The following FSTL4 variants were observed in gnomAD, a reference collection of about 807,000 sequenced individuals.
The protein encoded by FSTL4 is follistatin-related protein 4.
Under a neutral mutation model 78.2 loss-of-function variants are expected in FSTL4, and 28 were observed. That is an observed-to-expected ratio of 0.36 (90% CI 0.27 to 0.49). FSTL4 has a LOEUF of 0.49. Ranked by LOEUF, FSTL4 falls within the 20% of genes least tolerant of loss-of-function variation. The pLI, the probability that FSTL4 is intolerant of heterozygous loss-of-function variation, is 0.98. For missense variants in FSTL4, 922 were observed against 1,084.9 expected (o/e 0.85, Z 2.11); for synonymous variants, 422 against 440.5 (o/e 0.96, Z 0.53).
intron 7 of FSTL4, among the ~76,000 whole-genome samples, chr5:133,240,119 C>G (rs1031662088): frequency 6.6e-6 from 1 of 152,210 alleles, no homozygotes; most frequent in Non-Finnish European, 1.5e-5. Context: ...AGGTCTGCAG[C>G]TGCACTTCTG....
intron 3 of FSTL4, among the ~76,000 whole-genome samples, chr5:133,431,869 G>T (rs1215359761): frequency 6.6e-6 from 1 of 151,962 alleles, no homozygotes; most frequent in Non-Finnish European, 1.5e-5. Flanking sequence ...GAATCCTTGG[G>T]GTTTTTTTCA....
At chr5:133,423,581 G>A (rs1262006930) in intron 3 of FSTL4, among the ~76,000 whole-genome samples, 2 of 152,194 alleles carry the variant, frequency 1.3e-5, no homozygotes, top group Non-Finnish European at 2.9e-5. Flanking sequence ...GGTGGCTGTG[G>A]TCATCGAGGG....
At chr5:133,247,160 T>C (rs926392251) in intron 7 of FSTL4, 1 of 150,972 alleles carries the variant, frequency 6.6e-6, no homozygotes, top group Non-Finnish European at 1.5e-5. Flanking sequence ...GTGTAGGGGG[T>C]TCTGAGAAGC....
the FSTL4 span, among the ~76,000 whole-genome samples, chr5:133,741,043 A>G: frequency 6.6e-6 from 1 of 152,158 alleles, no homozygotes; most frequent in East Asian, 1.9e-4. Context: ...TGAAACACCA[A>G]AGGAGAGGAA....
At chr5:133,758,487 C>A in the FSTL4 span, among the ~76,000 whole-genome samples, 3 of 152,054 alleles carry the variant, frequency 2.0e-5, no homozygotes, top group East Asian at 1.9e-4. Flanking sequence ...CAAGAAGAAC[C>A]AACACTCTTC....
chr5:133,756,611 C>A, the FSTL4 span, among the ~76,000 whole-genome samples: 2 of 152,130 alleles, frequency 1.3e-5, no homozygotes, highest in Non-Finnish European at 2.9e-5. Flanking sequence ...CCACCTTGGT[C>A]TTCACTTCTT....
At chr5:133,404,374 A>G (rs755911289) in intron 3 of FSTL4, among the ~76,000 whole-genome samples, 69 of 152,242 alleles carry the variant, frequency 4.5e-4, no homozygotes, top group African/African-American at 1.5e-3. Context: ...GCAACTGCCT[A>G]TAGTATTTAT....
chr5:133,798,079 G>A, the FSTL4 span, among the ~76,000 whole-genome samples: 1 of 152,210 alleles, frequency 6.6e-6, no homozygotes, highest in East Asian at 1.9e-4. Context: ...CAAAGCAAGT[G>A]CAACTTGGCT....
intron 3 of FSTL4, among the ~76,000 whole-genome samples, chr5:133,476,822 C>G (rs541895205): frequency 1.7e-4 from 26 of 152,314 alleles, no homozygotes; most frequent in Non-Finnish European, 2.6e-4. Flanking sequence ...CAGTGAGACA[C>G]TCATTGAGCC....
chr5:133,270,021 A>G (rs142341997), intron 6 of FSTL4: 197 of 152,314 alleles, frequency 1.3e-3, no homozygotes, highest in African/African-American at 3.9e-3. Flanking sequence ...CCCTAACTCA[A>G]TAAAGTACGT....
chr5:133,504,642 T>C (rs1368050192), intron 3 of FSTL4, among the ~76,000 whole-genome samples: 1 of 152,154 alleles, frequency 6.6e-6, no homozygotes, highest in Non-Finnish European at 1.5e-5. Flanking sequence ...GTCCCATGTA[T>C]CCCCTCACTC....
chr5:133,320,259 T>C lies in FSTL4; in HGVS notation c.410-3607A>G, dbSNP rs373855396. ...CTGGCCTTGGCTTCCAGGATAGATATTTTCCTAGCAAGGTGTGTCAAAGTC... is the reference window on the plus strand; with the variant it reads ...CTGGCCTTGGCTTCCAGGATAGATACTTTCCTAGCAAGGTGTGTCAAAGTC... On this transcript the variant is annotated intron_variant, in intron 4 of 15. Transcript: ENST00000265342. Among the ~76,000 whole-genome samples, 8 of 152,316 alleles carry C rather than the reference T, an allele frequency of 5.3e-5. No individual in the cohort carries two copies. In the East Asian group the frequency reaches 1.5e-3, roughly 29 times the overall value.
At chr5:133,231,812 T>A (rs897146625) in intron 8 of FSTL4, among the ~76,000 whole-genome samples, 8 of 152,228 alleles carry the variant, frequency 5.3e-5, no homozygotes, top group African/African-American at 1.9e-4. Context: ...AGTGCTGTGA[T>A]TATAGGCGTG....
intron 7 of FSTL4, among the ~76,000 whole-genome samples, chr5:133,241,176 C>T (rs183676886): frequency 7.9e-5 from 12 of 152,354 alleles, no homozygotes; most frequent in Admixed American, 7.8e-4. Context: ...CTTTGGGCTT[C>T]ATCACTTGGC....
intron 14 of FSTL4, among the ~76,000 whole-genome samples, chr5:133,205,219 T>G (rs780844709): frequency 3.3e-5 from 5 of 152,246 alleles, no homozygotes; most frequent in Non-Finnish European, 7.3e-5. Context: ...TAATTAAATG[T>G]CTTTTCAGTA....
chr5:133,780,317 T>A, the FSTL4 span, among the ~76,000 whole-genome samples: 442 of 152,242 alleles, frequency 2.9e-3, no homozygotes, highest in African/African-American at 0.01. Flanking sequence ...GCTCTTCCCA[T>A]CTCCTTGCAT....
the FSTL4 span, among the ~76,000 whole-genome samples, chr5:133,823,616 T>C: frequency 6.6e-6 from 1 of 152,206 alleles, no homozygotes; most frequent in Non-Finnish European, 1.5e-5. Flanking sequence ...CCCTGTCTCC[T>C]TCCCCACTCC....
the FSTL4 span, among the ~76,000 whole-genome samples, chr5:133,661,867 T>G: frequency 6.6e-6 from 1 of 152,264 alleles, no homozygotes; most frequent in African/African-American, 2.4e-5. Context: ...CTAAGGCATC[T>G]GGTCACATTT....
chr5:133,380,608 A>G, intron 4 of FSTL4, among the ~76,000 whole-genome samples: 1 of 151,960 alleles, frequency 6.6e-6, no homozygotes, highest in East Asian at 1.9e-4. Flanking sequence ...ATAAGAATTA[A>G]TAACAATTCT....
Sources: gnomAD v4.1 joint callset for allele counts (sites outside exome capture counted in the v4.1 genomes callset) on GRCh38, gnomAD v4.1.1 for gene constraint, MANE v1.5 for transcripts, NCBI Gene and HGNC (gene_info 2026-07-23, HGNC 2026-07-21) for gene names.